The following DNAH17 variants were observed in gnomAD, a reference collection of about 807,000 sequenced individuals.
DNAH17 encodes axonemal beta dynein heavy chain 17.
In DNAH17, 376 loss-of-function variants were observed where a neutral mutation model predicts 485.6. That is an observed-to-expected ratio of 0.77 (90% CI 0.71 to 0.84). DNAH17 has a LOEUF of 0.84. Among genes scored for constraint, DNAH17 ranks in the 40% least tolerant of loss-of-function variants. DNAH17 has a pLI of 0.00. For synonymous variants in DNAH17, 3,031 were observed against 2,405.9 expected (o/e 1.26, Z -7.60); for missense variants, 6,370 against 5,839.3 (o/e 1.09, Z -2.96).
At position 78,532,904 on chromosome 17, in the gene DNAH17, A is replaced by C; in HGVS notation, c.2860-168T>G. On this transcript the variant is annotated intron_variant, in intron 19 of 80. Transcript: ENST00000389840. ...CTGGGCCGATCACCCCTCTTTAGGC[A>C]ACCTGGTGGTCCCCCACTCCTGGGA... 3 of 738,648 alleles carry C rather than the reference A, an allele frequency of 4.1e-6. No homozygotes were observed. The South Asian group carries it at 5.7e-5, about 14-fold the overall frequency. The allele number at this position is 738,648 out of a possible 1,614,324, so 45.8% of individuals were successfully genotyped here.
intron 10 of DNAH17, 100 bp from the exon 11 acceptor site, chr17:78,566,830 G>A: frequency 1.5e-6 from 2 of 1,310,620 alleles, no homozygotes; most frequent in Non-Finnish European, 2.1e-6. Context: ...CGGGACTGAG[G>A]CGCAGCTGAA....
rs370908894 is a variant in DNAH17, at chr17:78,532,272, G to A, written c.3114+210C>T. 2.8e-3 allele frequency among the ~76,000 whole-genome samples: 422 copies of A among 152,216 alleles called. 11 individuals carry two copies. In the South Asian group the frequency reaches 0.046, roughly 17 times the overall value. On this transcript the variant is annotated intron_variant, in intron 20 of 80. Coordinates refer to ENST00000389840, the MANE Select transcript of DNAH17 (RefSeq NM_173628.4). ...TCCTGACTGACCCTGATGCTACCCC[G>A]TGCAGGCCTGTGTGGTGTGCTATGC...
At chr17:78,460,381 T>C (rs1300378558) in intron 58 of DNAH17, 124 bp from the exon 59 acceptor site, 2 of 753,592 alleles carry the variant, frequency 2.7e-6, no homozygotes, top group Admixed American at 4.8e-5. Context: ...TGAGTGTATG[T>C]GTGCATATAT....
intron 16 of DNAH17, among the ~76,000 whole-genome samples, chr17:78,547,664 C>A (rs576134196): frequency 6.7e-6 from 1 of 149,388 alleles, no homozygotes; most frequent in South Asian, 2.1e-4. Context: ...GTCTCCCAGG[C>A]TGGAGTGCAG....
intron 51 of DNAH17, among the ~76,000 whole-genome samples, chr17:78,478,227 C>A (rs919075980): frequency 2.7e-5 from 4 of 147,034 alleles, no homozygotes; most frequent in South Asian, 2.1e-4. Context: ...ATCACCACAT[C>A]ACCATCACCA....
chr17:78,502,326 A>C, intron 33 of DNAH17: 1 of 370,004 alleles, frequency 2.7e-6, no homozygotes, highest in Non-Finnish European at 4.9e-6. Context: ...TTTTTTAAAG[A>C]CTCTCAGTAG....
chr17:78,552,754 C>A lies in DNAH17; in HGVS notation c.2230G>T (p.Glu744Ter). 6.2e-7 allele frequency: 1 copy of A among 1,613,946 alleles called. No individual in the cohort carries two copies. Among genetic ancestry groups the A allele is most frequent in the Non-Finnish European group, 8.5e-7 (1 of 1,179,832 alleles). The part of the protein sequence containing the change: ...VEFLLIKSEL[E>*]AIDVKLLSAE... ...CTCAATAACTTGACATCAATTGCTT[C>A]CAGTTCTGACTTTATTAGTAGAAAT... The change falls in exon 15 of 81, where the codon GAA becomes TAA. Residue 744 changes from glutamate to a stop codon, truncating the protein, a stop_gained. Coordinates refer to ENST00000389840, the MANE Select transcript of DNAH17 (RefSeq NM_173628.4). LOFTEE classifies it high-confidence loss of function.
intron 57 of DNAH17, among the ~76,000 whole-genome samples, chr17:78,462,554 G>A (rs1230716802): frequency 6.6e-6 from 1 of 152,268 alleles, no homozygotes; most frequent in East Asian, 1.9e-4. Context: ...TGACTGCATT[G>A]GGCATGATGA....
chr17:78,500,531 C>CAA (rs1598595952), intron 35 of DNAH17, 70 bp from the exon 36 acceptor site: 4 of 1,436,210 alleles, frequency 2.8e-6, no homozygotes. Context: ...TTTTTTGAGA[C>CAA]AGAGTCTCAC....
chr17:78,444,568 T>TC, intron 71 of DNAH17, 36 bp downstream of exon 71: 1 of 1,519,672 alleles, frequency 6.6e-7, no homozygotes, highest in Non-Finnish European at 8.8e-7. Flanking sequence ...GGCCTGGGCC[T>TC]CGGGGGCGGG....
intron 16 of DNAH17, among the ~76,000 whole-genome samples, chr17:78,547,255 G>A (rs950478903): frequency 4.6e-5 from 7 of 152,330 alleles, no homozygotes; most frequent in African/African-American, 1.4e-4. Flanking sequence ...GGTTTCTCAG[G>A]AAGGGTATCC....
At chr17:78,429,352 G>A (rs1170399419) in intron 75 of DNAH17, 52 bp from the exon 76 acceptor site, 5 of 1,569,260 alleles carry the variant, frequency 3.2e-6, no homozygotes, top group Non-Finnish European at 4.3e-6. Context: ...CCCCTTCTCT[G>A]CCATGAGAGG....
chr17:78,487,148 G>T (rs1380560602), intron 44 of DNAH17, among the ~76,000 whole-genome samples: 3 of 152,196 alleles, frequency 2.0e-5, no homozygotes, highest in African/African-American at 7.2e-5. Flanking sequence ...GCCCACCACG[G>T]CGGTGAGGGG....
rs678534 is a variant in DNAH17, at chr17:78,450,243, G to T, written c.11040+11C>A. 4.5e-3 allele frequency: 7,331 copies of T among 1,613,204 alleles called. 275 individuals are homozygous for T. In the African/African-American group the frequency reaches 0.079, roughly 17 times the overall value. ...TTGAGGGAGGCACCCAGCCCCAGCT[G>T]CAGGGCGCACCTTGAGGGAGAACTG... On this transcript the variant is annotated intron_variant, in intron 68 of 80. Coordinates refer to ENST00000389840, the MANE Select transcript of DNAH17 (RefSeq NM_173628.4).
intron 13 of DNAH17, among the ~76,000 whole-genome samples, chr17:78,560,341 C>T (rs957427593): frequency 3.3e-5 from 5 of 152,250 alleles, no homozygotes; most frequent in South Asian, 4.1e-4. Context: ...TGTAGGAATT[C>T]GGTTCCATCC....
chr17:78,460,272 G>T lies in DNAH17; in HGVS notation c.9340-15C>A. On this transcript the variant is annotated splice_polypyrimidine_tract_variant and intron_variant, in intron 58 of 80. Transcript: ENST00000389840. The stretch of plus-strand genomic sequence containing the variant: ...TCAGTGACGTTCTGGAAGGAAGATG[G>T]ACAGGAGAGGTTACTGCAGGCCTGT... 6.3e-7 allele frequency: 1 copy of T among 1,576,272 alleles called. No homozygotes were observed. Among genetic ancestry groups the T allele is most frequent in the Non-Finnish European group, 8.6e-7 (1 of 1,159,696 alleles).
chr17:78,461,199 G>C (rs1295731258), intron 58 of DNAH17, among the ~76,000 whole-genome samples: 2 of 152,128 alleles, frequency 1.3e-5, no homozygotes, highest in East Asian at 3.9e-4. Flanking sequence ...CACGGATCGC[G>C]GGCATTTCGT....
chr17:78,573,420 G>A (rs2092387912), intron 2 of DNAH17, among the ~76,000 whole-genome samples: 1 of 152,004 alleles, frequency 6.6e-6, no homozygotes, highest in Non-Finnish European at 1.5e-5. Context: ...CCAACATGGT[G>A]AAACCTCGTC....
intron 42 of DNAH17, among the ~76,000 whole-genome samples, chr17:78,492,398 A>G (rs1183067087): frequency 2.6e-5 from 4 of 152,080 alleles, no homozygotes; most frequent in African/African-American, 9.7e-5. Context: ...GCAGGCCTGC[A>G]GTCCTCACCG....
Sources: allele counts gnomAD v4.1 joint callset (sites outside exome capture counted in the v4.1 genomes callset), GRCh38; gene constraint gnomAD v4.1.1; transcripts MANE v1.5; gene names NCBI Gene and HGNC (gene_info 2026-07-23, HGNC 2026-07-21).